The following NECAB2 variants were observed in gnomAD, a reference collection of about 807,000 sequenced individuals.
NECAB2 encodes the protein N-terminal EF-hand calcium binding protein 2, also known as N-terminal EF-hand calcium-binding protein 2.
NECAB2 carries 68 observed loss-of-function variants against 51.9 expected under a neutral mutation model. The observed-to-expected ratio is 1.31, with a 90% CI of 1.08 to 1.60. The LOEUF (loss-of-function observed/expected upper bound fraction) is 1.60. Among genes scored for constraint, NECAB2 ranks in the 40% most tolerant of loss-of-function variants. The pLI, the probability that NECAB2 is intolerant of heterozygous loss-of-function variation, is 0.00. For synonymous variants in NECAB2, 329 were observed against 203.5 expected (o/e 1.62, Z -5.25); for missense variants, 854 against 490.3 (o/e 1.74, Z -7.00).
intron 5 of NECAB2, among the ~76,000 whole-genome samples, chr16:83,983,004 G>C (rs944077364): frequency 6.6e-6 from 1 of 151,870 alleles, no homozygotes; most frequent in African/African-American, 2.4e-5. Flanking sequence ...GAGTAGCTGG[G>C]ACTACAGGCG....
chr16:83,973,486 G>C (rs532308819), intron 2 of NECAB2, among the ~76,000 whole-genome samples: 11 of 152,312 alleles, frequency 7.2e-5, no homozygotes, highest in Middle Eastern at 3.4e-3. Context: ...ACCATCAGCA[G>C]TGATTCCATA....
chr16:83,971,086 C>A (rs372267125), intron 1 of NECAB2, among the ~76,000 whole-genome samples: 1 of 139,864 alleles, frequency 7.1e-6, no homozygotes, highest in Non-Finnish European at 1.5e-5. Flanking sequence ...AGAGCGAGAC[C>A]CCATCTCAAA....
At chr16:83,970,730 C>T (rs1023974664) in intron 1 of NECAB2, among the ~76,000 whole-genome samples, 7 of 152,192 alleles carry the variant, frequency 4.6e-5, no homozygotes, top group Non-Finnish European at 1.0e-4. Flanking sequence ...TCAGTACCCT[C>T]CTTGTTAAAA....
intron 5 of NECAB2, among the ~76,000 whole-genome samples, chr16:83,984,924 C>T (rs1597209458): frequency 2.0e-5 from 3 of 152,120 alleles, no homozygotes; most frequent in African/African-American, 7.2e-5. Flanking sequence ...TTATTATTTC[C>T]TCCCTCTTAT....
In NECAB2 at chr16:83,978,481, C is replaced by G. The variant is rs767558792; in HGVS notation, c.264C>G (p.Phe88Leu). Reference protein sequence around the residue: ...GKLSLEEFQLFFADGVLNEKE... With the variant: ...GKLSLEEFQLLFADGVLNEKE... ...TGTCCTTGGAGGAATTCCAGCTCTT[C>G]TTTGCAGATGGCGTCCTTAATGAGA... is the stretch of plus-strand genomic sequence containing the variant. The change falls in exon 3 of 13, where the codon TTC becomes TTG. Residue 88 changes from phenylalanine (F) to leucine (L), a missense_variant. Phe to Leu is a conservative substitution (Grantham distance 22). Coordinates refer to ENST00000305202, the MANE Select transcript of NECAB2 (RefSeq NM_019065.3). 6.2e-7 allele frequency: 1 copy of G among 1,613,956 alleles called. No homozygotes were observed. Among genetic ancestry groups the G allele is most frequent in the Non-Finnish European group, 8.5e-7 (1 of 1,180,020 alleles).
chr16:83,975,749 C>G (rs760777178), intron 2 of NECAB2, among the ~76,000 whole-genome samples: 32 of 152,140 alleles, frequency 2.1e-4, no homozygotes, highest in Non-Finnish European at 4.4e-4. Flanking sequence ...CGCTGACAGG[C>G]TGACAGGCTC....
At chr16:83,970,324 C>A (rs995999423) in intron 1 of NECAB2, among the ~76,000 whole-genome samples, 15 of 152,170 alleles carry the variant, frequency 9.9e-5, no homozygotes, top group African/African-American at 3.6e-4. Context: ...CTACCTGGTG[C>A]CTGGCCTCAA....
At chr16:83,978,607 C>A in intron 3 of NECAB2, 55 bp downstream of exon 3, 2 of 1,399,108 alleles carry the variant, frequency 1.4e-6, no homozygotes, top group Non-Finnish European at 1.0e-6. Flanking sequence ...GTGGTGGAGG[C>A]ATCTTTTCAT....
chr16:83,981,230 G>C, intron 5 of NECAB2, 103 bp downstream of exon 5: 1 of 1,052,338 alleles, frequency 9.5e-7, no homozygotes, highest in Non-Finnish European at 1.4e-6. Flanking sequence ...CCGCCAGGGA[G>C]GCCTATCTCA....
At chr16:83,986,775 G>A (rs1226578381) in intron 5 of NECAB2, among the ~76,000 whole-genome samples, 1 of 149,218 alleles carries the variant, frequency 6.7e-6, no homozygotes, top group Admixed American at 6.7e-5. Flanking sequence ...TCCCCACCTT[G>A]GCTTGTCCAA....
chr16:83,987,812 G>A (rs1253602605), intron 5 of NECAB2, among the ~76,000 whole-genome samples: 1 of 152,174 alleles, frequency 6.6e-6, no homozygotes, highest in Non-Finnish European at 1.5e-5. Context: ...CAGAGTTGGG[G>A]AATTACTGGG....
In NECAB2 at chr16:83,971,632, G is replaced by A. The variant is rs984704436; in HGVS notation, c.202-519G>A. ...CTCTTGGCGTCCTGTTTCTCCTCCT[G>A]CACCCCAAAATTAACGCAGTCCTGC... is the stretch of plus-strand genomic sequence containing the variant. On this transcript the variant is annotated intron_variant, in intron 1 of 12. Coordinates refer to ENST00000305202, the MANE Select transcript of NECAB2 (RefSeq NM_019065.3). The A allele has an allele frequency of 5.7e-5, 9 of 157,954 alleles. No homozygotes were observed. In the Admixed American group the frequency reaches 5.8e-4, roughly 10 times the overall value. 9.8% of individuals were successfully genotyped at this position (157,954 alleles called of 1,614,324 possible).
chr16:83,975,299 G>A (rs1597198078), intron 2 of NECAB2, among the ~76,000 whole-genome samples: 1 of 150,124 alleles, frequency 6.7e-6, no homozygotes, highest in East Asian at 2.0e-4. Context: ...GGTGTGCAGG[G>A]ATGAGAGCAG....
At chr16:83,994,132 C>T (rs2084663078) in intron 6 of NECAB2, among the ~76,000 whole-genome samples, 170 bp from the exon 7 acceptor site, 1 of 152,234 alleles carries the variant, frequency 6.6e-6, no homozygotes, top group South Asian at 2.1e-4. Context: ...GCTGAGTCAC[C>T]TGCTTTAAGA....
chr16:83,994,052 C>G (rs888000611), intron 6 of NECAB2, among the ~76,000 whole-genome samples: 15 of 152,184 alleles, frequency 9.9e-5, no homozygotes, highest in Admixed American at 3.3e-4. Flanking sequence ...GGGAAAAGGC[C>G]TAGGCCGTGG....
chr16:83,980,763 T>C, intron 3 of NECAB2, 76 bp from the exon 4 acceptor site: 2 of 1,515,916 alleles, frequency 1.3e-6, no homozygotes, highest in South Asian at 2.4e-5. Flanking sequence ...GATGTGTGTT[T>C]CGCAGGCTGT....
At position 83,990,599 on chromosome 16, in the gene NECAB2, G is replaced by C. The variant is rs2084610536; in HGVS notation, c.565G>C (p.Glu189Gln). The C allele has an allele frequency of 1.2e-6, 2 of 1,614,004 alleles. No homozygotes were observed. Among genetic ancestry groups the C allele is most frequent in the Admixed American group, 1.7e-5 (1 of 60,014 alleles). The change falls in exon 6 of 13, where the codon GAG becomes CAG. Residue 189 changes from glutamate (E) to glutamine (Q), a missense_variant. Glu to Gln is a conservative substitution (Grantham distance 29). Coordinates refer to ENST00000305202, the MANE Select transcript of NECAB2 (RefSeq NM_019065.3). ...GCTGAGCTCAGTGGAGAGTGCGGTG[G>C]AGGCCATCGAGGAACAGACCAGCCA... ...SLLSSVESAVEAIEEQTSQLR... is the reference protein window; with the variant it reads ...SLLSSVESAVQAIEEQTSQLR...
intron 5 of NECAB2, among the ~76,000 whole-genome samples, chr16:83,982,686 A>T (rs185790988): frequency 1.3e-5 from 2 of 152,294 alleles, no homozygotes; most frequent in African/African-American, 4.8e-5. Context: ...TTTCAGGAAC[A>T]TAAGAGAGTT....
chr16:83,994,548 TC>T (rs1274705873), intron 7 of NECAB2, 60 bp from the exon 8 acceptor site: 3 of 1,606,508 alleles, frequency 1.9e-6, no homozygotes, highest in Non-Finnish European at 2.6e-6. Flanking sequence ...GTTTCCAGCT[TC>T]CCCCCGAAGC....
Sources: allele counts gnomAD v4.1 joint callset (sites outside exome capture counted in the v4.1 genomes callset), GRCh38; gene constraint gnomAD v4.1.1; transcripts MANE v1.5; gene names NCBI Gene and HGNC (gene_info 2026-07-23, HGNC 2026-07-21).